RYR2: variants seen among roughly 807,000 people sequenced by gnomAD.
RYR2 encodes the protein ryanodine receptor 2.
In RYR2, 227 loss-of-function variants were observed where a neutral mutation model predicts 601.1. The observed-to-expected ratio is 0.38, with a 90% CI of 0.34 to 0.42. The LOEUF (loss-of-function observed/expected upper bound fraction) is 0.42, where lower values mean the gene tolerates loss of function less well. Among genes scored for constraint, RYR2 ranks in the 10% least tolerant of loss-of-function variants. The probability of loss-of-function intolerance (pLI) is 1.00; values close to 1 mark genes in which losing one functional copy is unlikely to be tolerated. For synonymous variants in RYR2, 2,223 were observed against 2,175.1 expected (o/e 1.02, Z -0.61); for missense variants, 4,646 against 6,156.5 (o/e 0.75, Z 8.21).
chr1:237,648,418 C>G, intron 48 of RYR2, 26 bp from the exon 49 acceptor site: 1 of 1,573,258 alleles, frequency 6.4e-7, no homozygotes, highest in Non-Finnish European at 8.6e-7. Context: ...CAGCCATTGA[C>G]ACCAAAATTC....
intron 17 of RYR2, among the ~76,000 whole-genome samples, chr1:237,475,826 C>T (rs1028686453): frequency 1.3e-5 from 2 of 152,186 alleles, no homozygotes; most frequent in Non-Finnish European, 2.9e-5. Flanking sequence ...CGCATGACCA[C>T]TCTGAATTCA....
At chr1:237,603,858 A>G (rs1217130501) in intron 35 of RYR2, among the ~76,000 whole-genome samples, 1 of 152,254 alleles carries the variant, frequency 6.6e-6, no homozygotes, top group African/African-American at 2.4e-5. Context: ...GATCAATTCA[A>G]CAAGAAAAGC....
At chr1:237,427,316 C>T (rs978063682) in intron 12 of RYR2, among the ~76,000 whole-genome samples, 36 of 152,152 alleles carry the variant, frequency 2.4e-4, no homozygotes, top group African/African-American at 8.4e-4. Flanking sequence ...CAGTGAAAAC[C>T]TAAAATATGG....
At position 237,319,853 on chromosome 1, in the gene RYR2, G is replaced by A. The variant is rs1695457118; in HGVS notation, c.169-11025G>A. Among the ~76,000 whole-genome samples, 3 of 152,228 alleles carry A rather than the reference G, an allele frequency of 2.0e-5. No individual in the cohort carries two copies. The South Asian group carries it at 6.2e-4, about 32-fold the overall frequency. ...TAGAGCTGGTAGAGGATCACCAGGT[G>A]TGTGCTAGCAGATCTGTTGGACCTC... On this transcript the variant is annotated intron_variant, in intron 2 of 104. Transcript: ENST00000366574.
chr1:237,534,477 T>C (rs1416621218), intron 25 of RYR2, among the ~76,000 whole-genome samples: 1 of 152,036 alleles, frequency 6.6e-6, no homozygotes, highest in Admixed American at 6.6e-5. Context: ...TTGACATATA[T>C]AGAGTGCTGC....
chr1:237,748,544 A>G (rs1020424867), intron 80 of RYR2, among the ~76,000 whole-genome samples: 4 of 152,180 alleles, frequency 2.6e-5, no homozygotes, highest in African/African-American at 7.2e-5. Flanking sequence ...GCTGGCTTTC[A>G]TAAGTACACT....
At chr1:237,608,103 T>C (rs1169551654) in intron 35 of RYR2, among the ~76,000 whole-genome samples, 1 of 152,148 alleles carries the variant, frequency 6.6e-6, no homozygotes, top group Non-Finnish European at 1.5e-5. Flanking sequence ...TAATTCATCT[T>C]TGAGTGTGAA....
chr1:237,193,414 C>G (rs1052176270), intron 1 of RYR2, among the ~76,000 whole-genome samples: 2 of 152,184 alleles, frequency 1.3e-5, no homozygotes, highest in East Asian at 1.9e-4. Context: ...GAGCAGAGAT[C>G]GCGCCACTGC....
At chr1:237,144,974 A>G (rs754349358) in intron 1 of RYR2, among the ~76,000 whole-genome samples, 6 of 151,962 alleles carry the variant, frequency 3.9e-5, no homozygotes, top group African/African-American at 1.2e-4. Flanking sequence ...TCCCTGGCCA[A>G]TAGTTCTAAA....
At chr1:237,643,762 G>A (rs1029875519) in intron 48 of RYR2, among the ~76,000 whole-genome samples, 2 of 151,756 alleles carry the variant, frequency 1.3e-5, no homozygotes, top group African/African-American at 2.4e-5. Context: ...ACAGGCGCCC[G>A]TCACCATGCC....
chr1:237,275,057 T>C (rs1690122409), intron 2 of RYR2, among the ~76,000 whole-genome samples: 2 of 151,814 alleles, frequency 1.3e-5, no homozygotes, highest in South Asian at 2.1e-4. Context: ...TGTATATATA[T>C]ATCATCCATG....
chr1:237,517,788 C>G (rs899461714), intron 24 of RYR2, among the ~76,000 whole-genome samples: 3 of 152,122 alleles, frequency 2.0e-5, no homozygotes, highest in African/African-American at 7.2e-5. Context: ...CCTACATTGA[C>G]ACATCATTAT....
In RYR2 at chr1:237,614,550, G is replaced by T. The variant is rs764565730; in HGVS notation, c.5422G>T (p.Asp1808Tyr). 1 of 1,614,044 alleles carries T rather than the reference G, an allele frequency of 6.2e-7. No individual in the cohort carries two copies. Among genetic ancestry groups the T allele is most frequent in the Non-Finnish European group, 8.5e-7 (1 of 1,179,908 alleles). The change falls in exon 37 of 105, where the codon GAC becomes TAC. Residue 1808 changes from aspartate (D) to tyrosine (Y), a missense_variant. By Grantham distance (160) the Asp-to-Tyr change is radical. Transcript: ENST00000366574. This position sits in a 1 kb window ranked among gnomAD's most constrained non-coding sequence, Gnocchi z 4.3. ...AVKEGSLHAR[D>Y]PVGGTTEFLF... ...TAAAGAGGGCAGTCTTCATGCCCGG[G>T]ACCCAGTTGGAGGGACTACTGAATT...
At chr1:237,808,274 G>A (rs775388303) in intron 99 of RYR2, among the ~76,000 whole-genome samples, 5 of 151,992 alleles carry the variant, frequency 3.3e-5, no homozygotes, top group Non-Finnish European at 7.4e-5. Flanking sequence ...ATTTAGTTTA[G>A]GATATGATTG....
Position 237,445,483 on chromosome 1 carries a change from T to C in RYR2, c.1253T>C (p.Val418Ala). 3 of 1,613,712 alleles carry C rather than the reference T, an allele frequency of 1.9e-6. No individual in the cohort carries two copies. In the South Asian group the frequency reaches 3.3e-5, roughly 18 times the overall value. ...CATGAAGAATCACGCACAGCCCGAGTTATCCGGAGCACAGTCTTCCTTTTC... is the reference window on the plus strand; with the variant it reads ...CATGAAGAATCACGCACAGCCCGAGCTATCCGGAGCACAGTCTTCCTTTTC... ...SQHEESRTAR[V>A]IRSTVFLFNR... Residue 418 changes from valine to alanine, a missense_variant, in exon 14 of 105, where the codon GTT (valine) becomes GCT (alanine). Around this residue, in one of 17 missense-constraint regions of RYR2, gnomAD observed 1,807 missense variants for 2,088.1 expected, o/e 0.87. Transcript: ENST00000366574.
At chr1:237,574,243 A>G (rs1278201682) in intron 29 of RYR2, among the ~76,000 whole-genome samples, 1 of 152,182 alleles carries the variant, frequency 6.6e-6, no homozygotes, top group Non-Finnish European at 1.5e-5. Context: ...CATGTGTGGA[A>G]GCAGTTTTTA....
chr1:237,531,466 G>A (rs963402327), intron 25 of RYR2, among the ~76,000 whole-genome samples: 14 of 152,100 alleles, frequency 9.2e-5, no homozygotes, highest in African/African-American at 3.1e-4. Flanking sequence ...TTTCTGATGT[G>A]CAGGACTTGT....
chr1:237,155,335 T>C (rs2490368), intron 1 of RYR2, among the ~76,000 whole-genome samples: 146,155 of 151,872 alleles, frequency 0.96, 70,572 homozygotes, highest in East Asian at 1. Flanking sequence ...ACCACCACGC[T>C]CGGCTAATTT....
chr1:237,170,529 C>T (rs773814865), intron 1 of RYR2, among the ~76,000 whole-genome samples: 4 of 152,148 alleles, frequency 2.6e-5, no homozygotes, highest in African/African-American at 9.7e-5. Flanking sequence ...TACGACTAAG[C>T]GGAAACAGCT....
Sources: allele counts gnomAD v4.1 joint callset (sites outside exome capture counted in the v4.1 genomes callset), GRCh38; gene constraint gnomAD v4.1.1; regional missense constraint gnomAD v4.1.1; non-coding constraint Gnocchi (gnomAD v3.1); transcripts MANE v1.5; gene names NCBI Gene and HGNC (gene_info 2026-07-23, HGNC 2026-07-21).